The following ECT2L variants were observed in gnomAD, a reference collection of about 807,000 sequenced individuals.
ECT2L encodes the protein epithelial cell-transforming sequence 2 oncogene-like.
In ECT2L, 126 loss-of-function variants were observed where a neutral mutation model predicts 122.8. That is an observed-to-expected ratio of 1.03 (90% CI 0.89 to 1.19). ECT2L has a LOEUF of 1.19. Ranked by LOEUF, ECT2L falls within the 50% of genes most tolerant of loss-of-function variation. ECT2L has a pLI of 0.00. For synonymous variants in ECT2L, 385 were observed against 381.8 expected, an observed-to-expected ratio of 1.01 and a Z score of -0.10; for missense variants, 1,012 against 1,064.1, an observed-to-expected ratio of 0.95 and a Z score of 0.68.
chr6:138,860,542 T>G (rs1309445526), intron 10 of ECT2L, among the ~76,000 whole-genome samples: 3 of 152,152 alleles, frequency 2.0e-5, no homozygotes, highest in Admixed American at 2.0e-4. Context: ...TCCCAAACTT[T>G]CAGCTGCTGT....
chr6:138,860,283 T>C (rs1777777966), intron 10 of ECT2L, among the ~76,000 whole-genome samples: 1 of 152,256 alleles, frequency 6.6e-6, no homozygotes, highest in Non-Finnish European at 1.5e-5. Context: ...GCTTGACTTT[T>C]AGGTCTGTGA....
At chr6:138,798,522 G>A (rs1252902475) in intron 1 of ECT2L, among the ~76,000 whole-genome samples, 1 of 152,092 alleles carries the variant, frequency 6.6e-6, no homozygotes, top group Non-Finnish European at 1.5e-5. Flanking sequence ...CTGTATGTCA[G>A]GAACCAGGGA....
At chr6:138,884,318 A>G (rs1463425892) in intron 16 of ECT2L, among the ~76,000 whole-genome samples, 1 of 152,172 alleles carries the variant, frequency 6.6e-6, no homozygotes, top group Non-Finnish European at 1.5e-5. Context: ...CGGGTGCTCT[A>G]ATAGTGATAA....
At chr6:138,845,372 A>C (rs1463511217) in intron 7 of ECT2L, among the ~76,000 whole-genome samples, 1 of 152,014 alleles carries the variant, frequency 6.6e-6, no homozygotes, top group Non-Finnish European at 1.5e-5. Context: ...CCTCCAGAGC[A>C]GGTGGGACTA....
intron 4 of ECT2L, among the ~76,000 whole-genome samples, chr6:138,827,947 T>TG (rs1776510777): frequency 6.6e-6 from 1 of 151,800 alleles, no homozygotes; most frequent in South Asian, 2.1e-4. Context: ...GGACTATTTT[T>TG]TTTTTATACT....
intron 1 of ECT2L, among the ~76,000 whole-genome samples, chr6:138,809,859 T>C (rs1033511944): frequency 6.6e-6 from 1 of 152,084 alleles, no homozygotes; most frequent in African/African-American, 2.4e-5. Context: ...GTTCCAGGAG[T>C]AGGATGTTTC....
At chr6:138,817,030 G>A (rs930509699) in intron 4 of ECT2L, among the ~76,000 whole-genome samples, 8 of 152,092 alleles carry the variant, frequency 5.3e-5, no homozygotes, top group South Asian at 2.1e-4. Context: ...TGGACTTTTC[G>A]TATAAATGGA....
At chr6:138,809,666 G>A (rs1324848533) in intron 1 of ECT2L, among the ~76,000 whole-genome samples, 1 of 151,928 alleles carries the variant, frequency 6.6e-6, no homozygotes, top group Non-Finnish European at 1.5e-5. Flanking sequence ...CTATATTTAT[G>A]GTAATATGCT....
chr6:138,805,122 G>C (rs1452189987), intron 1 of ECT2L, among the ~76,000 whole-genome samples: 1 of 152,172 alleles, frequency 6.6e-6, no homozygotes, highest in Non-Finnish European at 1.5e-5. Context: ...AATATATTGT[G>C]TGATTCATCC....
intron 13 of ECT2L, among the ~76,000 whole-genome samples, chr6:138,874,299 G>C (rs569326388): frequency 6.6e-6 from 1 of 152,190 alleles, no homozygotes; most frequent in South Asian, 2.1e-4. Context: ...AATGATAGTT[G>C]TCTTATAAAT....
chr6:138,803,493 T>C (rs771118055), intron 1 of ECT2L, among the ~76,000 whole-genome samples: 7 of 152,218 alleles, frequency 4.6e-5, no homozygotes, highest in Non-Finnish European at 5.9e-5. Context: ...AAATCCCATA[T>C]GTTGGCTCTT....
intron 4 of ECT2L, among the ~76,000 whole-genome samples, chr6:138,824,561 A>AAC (rs1237656933): frequency 6.1e-5 from 6 of 98,624 alleles, no homozygotes; most frequent in Non-Finnish European, 9.1e-5. Flanking sequence ...AAAACTATAA[A>AAC]AAAAAACAAA....
chr6:138,847,931 C>T (rs186973374), intron 8 of ECT2L, among the ~76,000 whole-genome samples: 82 of 152,222 alleles, frequency 5.4e-4, no homozygotes, highest in African/African-American at 9.1e-4. Flanking sequence ...CACAGTTTCA[C>T]GTGGCAAGGA....
At chr6:138,831,195 C>T (rs527873637) in intron 4 of ECT2L, among the ~76,000 whole-genome samples, 2 of 152,338 alleles carry the variant, frequency 1.3e-5, no homozygotes, top group East Asian at 1.9e-4. Flanking sequence ...TTAGGCCAAC[C>T]TACCATTATT....
chr6:138,879,082 T>C, intron 14 of ECT2L: 1 of 179,658 alleles, frequency 5.6e-6, no homozygotes, highest in Non-Finnish European at 1.2e-5. Context: ...ACACATCAAT[T>C]GTATCTTTAA....
chr6:138,850,040 C>T lies in ECT2L; in HGVS notation c.1069+606C>T, dbSNP rs115139577. On this transcript the variant is annotated intron_variant, in intron 9 of 21. Transcript: ENST00000541398. ...CACTGAAAAAAAACTTCTCTTTTCT[C>T]CTCTCCACAGGCCCTGACAACCACC... Among the ~76,000 whole-genome samples the T allele has an allele frequency of 1.2e-3, 183 of 152,282 alleles. 1 individual carries two copies. The highest frequency in any genetic ancestry group is 4.2e-3 in the African/African-American group (173 of 41,542).
chr6:138,826,082 C>T (rs1583561821), intron 4 of ECT2L, among the ~76,000 whole-genome samples: 1 of 152,322 alleles, frequency 6.6e-6, no homozygotes, highest in East Asian at 1.9e-4. Flanking sequence ...ACTCACTGAC[C>T]TTCCAGTCCA....
chr6:138,866,149 GTTTTTT>G (rs56300933), intron 12 of ECT2L, among the ~76,000 whole-genome samples: 2 of 134,422 alleles, frequency 1.5e-5, no homozygotes, highest in Non-Finnish European at 3.1e-5. Flanking sequence ...ATTTTTCATA[GTTTTTT>G]TTTTTTTTTT....
intron 9 of ECT2L, among the ~76,000 whole-genome samples, chr6:138,853,226 A>G (rs547364083): frequency 7.4e-4 from 112 of 152,272 alleles, no homozygotes; most frequent in African/African-American, 2.5e-3. Flanking sequence ...TCGGCCTCCC[A>G]AAGTGTTGGG....
Sources: allele counts gnomAD v4.1 joint callset (sites outside exome capture counted in the v4.1 genomes callset), GRCh38; gene constraint gnomAD v4.1.1; transcripts MANE v1.5; gene names NCBI Gene and HGNC (gene_info 2026-07-23, HGNC 2026-07-21).